The following CWC22 variants were observed in gnomAD, a reference collection of about 807,000 sequenced individuals.
CWC22 encodes the protein CWC22 spliceosome associated protein, also known as pre-mRNA-splicing factor CWC22 homolog.
Under a neutral mutation model 117.2 loss-of-function variants are expected in CWC22, and 53 were observed. The observed-to-expected ratio is 0.45, with a 90% CI of 0.36 to 0.57. The LOEUF is 0.57. Ranked by LOEUF, CWC22 falls within the 20% of genes least tolerant of loss-of-function variation. The pLI is 0.00. For missense variants in CWC22, 980 were observed against 1,068.8 expected (o/e 0.92, Z 1.16); for synonymous variants, 360 against 355.6 (o/e 1.01, Z -0.14).
chr2:179,966,031 A>G (rs770084395), intron 11 of CWC22, 49 bp from the exon 12 acceptor site: 9 of 1,353,888 alleles, frequency 6.6e-6, no homozygotes, highest in Middle Eastern at 1.8e-4. Flanking sequence ...AGTCATATAC[A>G]TGTATTTCAT....
At chr2:179,960,750 T>C (rs771801280) in intron 13 of CWC22, among the ~76,000 whole-genome samples, 1 of 151,970 alleles carries the variant, frequency 6.6e-6, no homozygotes, top group African/African-American at 2.4e-5. Flanking sequence ...TCACCCAATA[T>C]TGCATAAGAA....
rs980719460 is a variant in CWC22 at position 179,945,405 on chromosome 2, A to G, written c.2451T>C (p.Gly817=). The G allele has an allele frequency of 2.5e-6, 4 of 1,613,296 alleles. No individual in the cohort carries two copies. Among genetic ancestry groups the G allele is most frequent in the Admixed American group, 3.3e-5 (2 of 59,968 alleles). ...TCTCTCCTCTCTTCTTTTTGGGATC[A>G]CCATGCTTATTTTCCAAATCTATAT... is the stretch of plus-strand genomic sequence containing the variant. The part of the protein sequence containing the change: ...EMHIDLENKH[G]DPKKKRGERR... Residue 817 remains glycine (G), a synonymous_variant, in exon 20 of 20, where the codon GGT becomes GGC. Transcript: ENST00000410053.
At chr2:179,952,189 T>C (rs1377955885) in intron 17 of CWC22, among the ~76,000 whole-genome samples, 1 of 152,096 alleles carries the variant, frequency 6.6e-6, no homozygotes, top group Non-Finnish European at 1.5e-5. Flanking sequence ...AATAAAATTA[T>C]AAATATCACT....
chr2:179,966,018 G>C lies in CWC22; in HGVS notation c.1211-36C>G, dbSNP rs781386486. 6 of 1,511,494 alleles carry C rather than the reference G, an allele frequency of 4.0e-6. No individual in the cohort carries two copies. In the Admixed American group the frequency reaches 5.2e-5, roughly 13 times the overall value. The allele number at this position is 1,511,494 out of a possible 1,614,324, so 93.6% of individuals were successfully genotyped here. On this transcript the variant is annotated intron_variant, in intron 11 of 19. Coordinates refer to ENST00000410053, the MANE Select transcript of CWC22 (RefSeq NM_020943.3). ...CAAAGTAAGTTTAGGAAAAAAATGT[G>C]CAAGTCATATACATGTATTTCATTC... is the stretch of plus-strand genomic sequence containing the variant.
chr2:180,005,298 C>T (rs1169641351), intron 1 of CWC22, among the ~76,000 whole-genome samples: 3 of 152,210 alleles, frequency 2.0e-5, no homozygotes, highest in African/African-American at 7.2e-5. Flanking sequence ...AGGACACTAG[C>T]CGGGAGCGGT....
intron 1 of CWC22, among the ~76,000 whole-genome samples, chr2:180,001,673 C>T (rs1333814986): frequency 6.6e-6 from 1 of 152,146 alleles, no homozygotes; most frequent in Non-Finnish European, 1.5e-5. Flanking sequence ...TGTAATTCAG[C>T]TTTCCCTTCC....
Position 179,993,309 on chromosome 2 carries a change from A to G in CWC22, c.27+6T>C. On this transcript the variant is annotated splice_donor_region_variant and intron_variant, in intron 2 of 19. Transcript: ENST00000410053. ...ACATCCTCCATTTTAAGTTTCAAAC[A>G]CTTACTTTTATCTGTGCCACACTAC... 6.4e-7 allele frequency: 1 copy of G among 1,560,482 alleles called. No homozygotes were observed. The highest frequency in any genetic ancestry group is 8.7e-7 in the Non-Finnish European group (1 of 1,148,402).
At chr2:179,995,544 G>A (rs1028866949) in intron 1 of CWC22, among the ~76,000 whole-genome samples, 1 of 152,200 alleles carries the variant, frequency 6.6e-6, no homozygotes, top group Non-Finnish European at 1.5e-5. Context: ...GGGCCACTGG[G>A]TAGTTTATGT....
chr2:179,954,288 T>C lies in CWC22; in HGVS notation c.1606A>G (p.Ile536Val), dbSNP rs775232700. ...EGIFKEQYDT[I>V]HRLETNKLRN... Reference sequence around the variant, plus strand: ...AACTTGTTTGTTTCCAAGCGATGGATGGTATCATACTGTTCTTTGAATATA... The same window carrying C: ...AACTTGTTTGTTTCCAAGCGATGGACGGTATCATACTGTTCTTTGAATATA... The change falls in exon 16 of 20, where the codon ATC becomes GTC. Residue 536 changes from isoleucine (I) to valine (V), a missense_variant. Coordinates refer to ENST00000410053, the MANE Select transcript of CWC22 (RefSeq NM_020943.3). The C allele has an allele frequency of 6.2e-7, 1 of 1,610,458 alleles. No homozygotes were observed.
At chr2:179,952,446 A>T in intron 17 of CWC22, 25 bp downstream of exon 17, 1 of 1,539,358 alleles carries the variant, frequency 6.5e-7, no homozygotes, top group South Asian at 1.3e-5. Flanking sequence ...CAATAAGAAT[A>T]AAAAGTGCTT....
rs1687906239 is a variant in CWC22, at chr2:180,003,884, T to C, written c.-114+2983A>G. The stretch of plus-strand genomic sequence containing the variant: ...CACTAGGAAAGACTTATTAACTTTA[T>C]TATATAAAGGCTAGCTATAATCCAT... On this transcript the variant is annotated intron_variant, in intron 1 of 19. Transcript: ENST00000410053. Among the ~76,000 whole-genome samples the C allele has an allele frequency of 3.3e-5, 5 of 152,344 alleles. No homozygotes were observed. The South Asian group carries it at 1.0e-3, about 32-fold the overall frequency.
intron 11 of CWC22, 99 bp downstream of exon 11, chr2:179,970,402 A>G: frequency 8.5e-7 from 1 of 1,182,074 alleles, no homozygotes; most frequent in Non-Finnish European, 1.2e-6. Context: ...GCAGCGATTC[A>G]TTAGGTGGGG....
intron 3 of CWC22, 113 bp downstream of exon 3, chr2:179,988,464 A>T: frequency 1.6e-6 from 1 of 619,368 alleles, no homozygotes; most frequent in East Asian, 3.1e-5. Flanking sequence ...ATTGGTTATA[A>T]AACCATTAAA....
intron 6 of CWC22, among the ~76,000 whole-genome samples, chr2:179,977,676 A>C (rs1440732405): frequency 1.3e-5 from 2 of 152,210 alleles, no homozygotes; most frequent in East Asian, 3.9e-4. Flanking sequence ...ATAACCATAT[A>C]TTATATACTT....
chr2:179,994,978 C>T (rs1463779665), intron 1 of CWC22, among the ~76,000 whole-genome samples: 3 of 152,166 alleles, frequency 2.0e-5, no homozygotes, highest in Non-Finnish European at 4.4e-5. Context: ...ATTAGCCAGG[C>T]GTGGTGGCGG....
In CWC22 at chr2:179,955,001, C is replaced by A; in HGVS notation, c.1492G>T (p.Ala498Ser). The change falls in exon 15 of 20, where the codon GCC (alanine) becomes TCC (serine). Residue 498 changes from alanine (A) to serine (S), a missense_variant. By Grantham distance (99) the Ala-to-Ser change is moderately conservative. Transcript: ENST00000410053. ...ELCNMILDCC[A>S]QQRTYEKFFG... The stretch of plus-strand genomic sequence containing the variant: ...AATTTTTCGTATGTCCTCTGTTGGG[C>A]ACAGCAATCAAGTATCATGTTGCAG... 1 of 1,601,710 alleles carries A rather than the reference C, an allele frequency of 6.2e-7. No individual in the cohort carries two copies.
chr2:179,964,301 A>G (rs1263299168), intron 13 of CWC22, among the ~76,000 whole-genome samples: 2 of 152,236 alleles, frequency 1.3e-5, no homozygotes, highest in Non-Finnish European at 2.9e-5. Context: ...AAGAAATGAT[A>G]TAGCTAAAAA....
intron 3 of CWC22, among the ~76,000 whole-genome samples, chr2:179,987,944 AG>A (rs1575655164): frequency 6.6e-6 from 1 of 152,266 alleles, no homozygotes; most frequent in South Asian, 2.1e-4. Flanking sequence ...CACAGATGTT[AG>A]GGGGTGAGGG....
intron 7 of CWC22, 44 bp from the exon 8 acceptor site, chr2:179,973,290 T>A (rs1209286824): frequency 1.5e-6 from 2 of 1,364,972 alleles, no homozygotes; most frequent in Non-Finnish European, 2.1e-6. Context: ...CTAAACCCAA[T>A]TTTCATTTAT....
Sources: gnomAD v4.1 joint callset for allele counts (sites outside exome capture counted in the v4.1 genomes callset) on GRCh38, gnomAD v4.1.1 for gene constraint, MANE v1.5 for transcripts, NCBI Gene and HGNC (gene_info 2026-07-23, HGNC 2026-07-21) for gene names.